The following CNTNAP5 variants were observed in gnomAD, a reference collection of about 807,000 sequenced individuals.
CNTNAP5 encodes the protein contactin-associated protein-like 5.
In CNTNAP5, 72 loss-of-function variants were observed where a neutral mutation model predicts 150.2. That is an observed-to-expected ratio of 0.48 (90% CI 0.40 to 0.58). CNTNAP5 has a LOEUF of 0.58. Among genes scored for constraint, CNTNAP5 ranks in the 20% least tolerant of loss-of-function variants. The pLI, the probability that CNTNAP5 is intolerant of heterozygous loss-of-function variation, is 0.00. For missense variants in CNTNAP5, 1,636 were observed against 1,626.2 expected (o/e 1.01, Z -0.10); for synonymous variants, 672 against 619.8 (o/e 1.08, Z -1.25).
At chr2:124,039,768 T>C (rs1681317781) in intron 1 of CNTNAP5, among the ~76,000 whole-genome samples, 1 of 152,184 alleles carries the variant, frequency 6.6e-6, no homozygotes, top group South Asian at 2.1e-4. Context: ...GGTAATAAAA[T>C]TTAATATGAG....
chr2:124,296,755 C>T (rs995143221), intron 3 of CNTNAP5, among the ~76,000 whole-genome samples: 5 of 152,184 alleles, frequency 3.3e-5, no homozygotes, highest in Non-Finnish European at 7.3e-5. Context: ...CATCCCTTCT[C>T]CTCAATACCC....
intron 13 of CNTNAP5, among the ~76,000 whole-genome samples, chr2:124,676,494 T>C (rs1004932201): frequency 1.3e-5 from 2 of 152,226 alleles, no homozygotes; most frequent in African/African-American, 4.8e-5. Context: ...TAAACAATTG[T>C]CACTGAAAGA....
At chr2:124,229,120 C>A (rs1052453745) in intron 2 of CNTNAP5, among the ~76,000 whole-genome samples, 1 of 152,082 alleles carries the variant, frequency 6.6e-6, no homozygotes, top group South Asian at 2.1e-4. Context: ...AGAAAGTGTG[C>A]GTAACTGATC....
chr2:124,259,602 TG>T (rs1247628733), intron 3 of CNTNAP5, among the ~76,000 whole-genome samples: 1 of 152,218 alleles, frequency 6.6e-6, no homozygotes, highest in Non-Finnish European at 1.5e-5. Flanking sequence ...ATTTCTCTGA[TG>T]GCCAGTGATG....
chr2:124,242,541 C>T (rs1686913833), intron 3 of CNTNAP5, 148 bp downstream of exon 3: 1 of 731,382 alleles, frequency 1.4e-6, no homozygotes, highest in Non-Finnish European at 2.2e-6. Context: ...TTTTTAAGGC[C>T]CATGCCCGGC....
At chr2:124,066,298 G>C (rs1434208151) in intron 1 of CNTNAP5, among the ~76,000 whole-genome samples, 1 of 152,118 alleles carries the variant, frequency 6.6e-6, no homozygotes, top group South Asian at 2.1e-4. Context: ...CAGAACAAAA[G>C]CCAGATTACT....
At chr2:124,154,728 T>C (rs1019968620) in intron 1 of CNTNAP5, among the ~76,000 whole-genome samples, 1 of 152,032 alleles carries the variant, frequency 6.6e-6, no homozygotes, top group Non-Finnish European at 1.5e-5. Context: ...TAAATACCCA[T>C]CAAATAATGA....
Position 124,647,775 on chromosome 2 carries a change from T to C in CNTNAP5, c.1894T>C (p.Ser632Pro). The C allele has an allele frequency of 6.2e-7, 1 of 1,600,598 alleles. No individual in the cohort carries two copies. The highest frequency in any genetic ancestry group is 8.5e-7 in the Non-Finnish European group (1 of 1,169,866). ...CTGGGCAGAGGACAAGATCTGGACATCAGTGCAGCACAACAATACAGAGCT... is the reference window on the plus strand; with the variant it reads ...CTGGGCAGAGGACAAGATCTGGACACCAGTGCAGCACAACAATACAGAGCT... Reference protein sequence around the residue: ...CNITEDKIWTSVQHNNTELTR... With the variant: ...CNITEDKIWTPVQHNNTELTR... The change falls in exon 13 of 24, where the codon TCA becomes CCA. Residue 632 changes from serine (S) to proline (P), a missense_variant. Coordinates refer to ENST00000682447, the MANE Select transcript of CNTNAP5 (RefSeq NM_001367498.1).
At chr2:124,284,837 AG>A (rs1397752611) in intron 3 of CNTNAP5, among the ~76,000 whole-genome samples, 1 of 152,124 alleles carries the variant, frequency 6.6e-6, no homozygotes, top group Non-Finnish European at 1.5e-5. Context: ...CAGAAGCAGT[AG>A]GCTATCCCCA....
intron 13 of CNTNAP5, among the ~76,000 whole-genome samples, chr2:124,705,683 A>G (rs562307705): frequency 6.6e-6 from 1 of 152,232 alleles, no homozygotes; most frequent in East Asian, 1.9e-4. Context: ...AAAACAAATG[A>G]TTTTTTAATA....
chr2:124,035,866 C>T (rs1046331432), intron 1 of CNTNAP5, among the ~76,000 whole-genome samples: 10 of 150,956 alleles, frequency 6.6e-5, no homozygotes, highest in African/African-American at 2.4e-4. Flanking sequence ...TGGTCTCTCT[C>T]CTCATCTCAG....
intron 3 of CNTNAP5, among the ~76,000 whole-genome samples, chr2:124,391,902 G>A (rs971800228): frequency 3.3e-5 from 5 of 152,138 alleles, no homozygotes; most frequent in Non-Finnish European, 5.9e-5. Flanking sequence ...CTTGCAGTGA[G>A]CCGAGATCGC....
Position 124,763,691 on chromosome 2 carries a change from C to G in CNTNAP5, c.2254C>G (p.Leu752Val). Residue 752 changes from leucine (L) to valine (V), a missense_variant, in exon 15 of 24, where the codon CTT becomes GTT. Transcript: ENST00000682447. Reference sequence around the variant, plus strand: ...TTGCAGGACAAATGATACTGGCTTTCTTTCCTTCAAAGACCACTTGCCTGT... The same window carrying G: ...TTGCAGGACAAATGATACTGGCTTTGTTTCCTTCAAAGACCACTTGCCTGT... ...KDEWTNDTGF[L>V]SFKDHLPVTQ... 1 of 1,612,508 alleles carries G rather than the reference C, an allele frequency of 6.2e-7. No homozygotes were observed. The highest frequency in any genetic ancestry group is 1.1e-5 in the South Asian group (1 of 90,940).
intron 3 of CNTNAP5, among the ~76,000 whole-genome samples, chr2:124,311,947 G>A (rs1307293269): frequency 6.6e-6 from 1 of 152,168 alleles, no homozygotes; most frequent in Non-Finnish European, 1.5e-5. Flanking sequence ...ACAAAGGAAG[G>A]GATCATCACT....
chr2:124,319,681 G>C (rs879362134), intron 3 of CNTNAP5, among the ~76,000 whole-genome samples: 1 of 152,122 alleles, frequency 6.6e-6, no homozygotes, highest in Non-Finnish European at 1.5e-5. Context: ...ATAATTCTTC[G>C]TGGGGGCAAG....
chr2:124,271,701 C>CTATCTATCTATCTATCTATCTATCT, intron 3 of CNTNAP5, among the ~76,000 whole-genome samples: 1 of 114,850 alleles, frequency 8.7e-6, no homozygotes, highest in African/African-American at 3.4e-5. Flanking sequence ...ATCTATCTAT[C>CTATCTATCTATCTATCTATCTATCT]ATCTATCTAT....
At chr2:124,890,735 T>G (rs1678176219) in intron 21 of CNTNAP5, among the ~76,000 whole-genome samples, 1 of 152,120 alleles carries the variant, frequency 6.6e-6, no homozygotes, top group Non-Finnish European at 1.5e-5. Context: ...TAATTTTATA[T>G]AGACAATACA....
chr2:124,363,836 A>G (rs903500004), intron 3 of CNTNAP5, among the ~76,000 whole-genome samples: 1 of 152,200 alleles, frequency 6.6e-6, no homozygotes, highest in African/African-American at 2.4e-5. Flanking sequence ...AACATTAAAT[A>G]TGTGTAGTTC....
chr2:124,794,842 T>G (rs1335803789), intron 18 of CNTNAP5, among the ~76,000 whole-genome samples: 2 of 152,190 alleles, frequency 1.3e-5, no homozygotes, highest in African/African-American at 4.8e-5. Context: ...CTACAAATAT[T>G]ACATCGTATA....
Sources: allele counts gnomAD v4.1 joint callset (sites outside exome capture counted in the v4.1 genomes callset), GRCh38; gene constraint gnomAD v4.1.1; transcripts MANE v1.5; gene names NCBI Gene and HGNC (gene_info 2026-07-23, HGNC 2026-07-21).